Variants in CDYL observed in about 807,000 individuals in gnomAD.
The protein encoded by CDYL is chromodomain Y like.
Under a neutral mutation model 47.3 loss-of-function variants are expected in CDYL, and 8 were observed. That is an observed-to-expected ratio of 0.17 (90% CI 0.10 to 0.31). The LOEUF is 0.31. Among genes scored for constraint, CDYL ranks in the 10% least tolerant of loss-of-function variants. The probability of loss-of-function intolerance (pLI) is 1.00; values close to 1 mark genes in which losing one functional copy is unlikely to be tolerated. For synonymous variants in CDYL, 266 were observed against 265.0 expected (o/e 1.00, Z -0.04); for missense variants, 471 against 701.4 (o/e 0.67, Z 3.71).
At chr6:4,890,193 C>G (rs1375481332) in intron 1 of CDYL, 1 of 973,466 alleles carries the variant, frequency 1.0e-6, no homozygotes, top group Admixed American at 6.2e-5. Flanking sequence ...TCTCATTGCC[C>G]CTTTTCTTTT....
chr6:4,822,916 A>G (rs1178358770), intron 1 of CDYL, among the ~76,000 whole-genome samples: 1 of 152,178 alleles, frequency 6.6e-6, no homozygotes, highest in African/African-American at 2.4e-5. Context: ...TGTAAGGATA[A>G]ATTCAGGTGC....
intron 3 of CDYL, among the ~76,000 whole-genome samples, chr6:4,757,461 TCACAGATCCATATTA>T (rs1209690778): frequency 2.1e-4 from 32 of 152,216 alleles, no homozygotes; most frequent in African/African-American, 7.5e-4. Flanking sequence ...TTTGAAAATG[TCACAGATCCATATTA>T]CCTCAAATGC....
intron 1 of CDYL, among the ~76,000 whole-genome samples, chr6:4,819,335 CGT>C (rs1441806701): frequency 6.6e-6 from 1 of 152,110 alleles, no homozygotes; most frequent in Admixed American, 6.6e-5. Flanking sequence ...TAAAGAATTA[CGT>C]GTGTCAATCA....
At chr6:4,775,086 G>A, upstream of CDYL, among the ~76,000 whole-genome samples, 1 of 152,208 alleles carries the variant, frequency 6.6e-6, no homozygotes. The surrounding 1 kb of genome is among the most constrained non-coding windows in gnomAD (Gnocchi z 7.0). Context: ...GAAGAAAACT[G>A]GTGGGAGGAG....
At chr6:4,914,435 C>T (rs1348903066) in intron 2 of CDYL, among the ~76,000 whole-genome samples, 5 of 152,284 alleles carry the variant, frequency 3.3e-5, no homozygotes, top group East Asian at 1.9e-4. Flanking sequence ...CAGCCTCTTG[C>T]AGGTCTTTAG....
At chr6:4,916,199 G>A (rs1170809848) in intron 2 of CDYL, among the ~76,000 whole-genome samples, 2 of 152,120 alleles carry the variant, frequency 1.3e-5, no homozygotes, top group Admixed American at 6.5e-5. Flanking sequence ...CCTTAACCTC[G>A]GTAAAATACA....
chr6:4,881,311 T>A (rs1018726412), intron 1 of CDYL, among the ~76,000 whole-genome samples: 2 of 152,202 alleles, frequency 1.3e-5, no homozygotes, highest in Non-Finnish European at 1.5e-5. Context: ...CTCTAATGGC[T>A]TTTAGTTATA....
chr6:4,917,114 AAATCG>A (rs1757578905), intron 2 of CDYL, among the ~76,000 whole-genome samples: 1 of 152,214 alleles, frequency 6.6e-6, no homozygotes, highest in Non-Finnish European at 1.5e-5. Context: ...CTGTCTTATC[AAATCG>A]TTTGCTTTCA....
intron 1 of CDYL, among the ~76,000 whole-genome samples, chr6:4,787,875 A>G (rs1414766180): frequency 7.0e-6 from 1 of 142,650 alleles, no homozygotes; most frequent in African/African-American, 2.6e-5. Flanking sequence ...CAGTTCAAGT[A>G]ATTCTCCTGC....
chr6:4,938,088 A>G (rs2039904), intron 4 of CDYL, among the ~76,000 whole-genome samples: 93,330 of 152,094 alleles, frequency 0.61, 29,040 homozygotes, highest in East Asian at 0.76. Context: ...TGCCGTGAGT[A>G]TGTTCTGTCC....
At chr6:4,789,926 G>A (rs570396471) in intron 1 of CDYL, among the ~76,000 whole-genome samples, 1 of 152,162 alleles carries the variant, frequency 6.6e-6, no homozygotes, top group South Asian at 2.1e-4. Flanking sequence ...CCTTTCAGAC[G>A]ACAGAAAGCT....
At chr6:4,764,002 G>T (rs139614070) in intron 3 of CDYL, among the ~76,000 whole-genome samples, 11 of 152,092 alleles carry the variant, frequency 7.2e-5, no homozygotes, top group African/African-American at 2.4e-4. Context: ...ACAAATCAAT[G>T]AAGGAAAGAA....
At chr6:4,777,819 G>A (rs1035294169) in intron 1 of CDYL, among the ~76,000 whole-genome samples, 8 of 152,150 alleles carry the variant, frequency 5.3e-5, no homozygotes, top group Non-Finnish European at 2.9e-5. Flanking sequence ...ATAGAGCTTT[G>A]TTGTCTGCGA....
chr6:4,897,599 C>T (rs1169930415), intron 2 of CDYL, among the ~76,000 whole-genome samples: 2 of 152,074 alleles, frequency 1.3e-5, no homozygotes, highest in Non-Finnish European at 2.9e-5. Flanking sequence ...GAAATTAGAA[C>T]TTAACCCCAG....
chr6:4,872,775 A>C (rs148252821), intron 1 of CDYL, among the ~76,000 whole-genome samples: 1 of 152,164 alleles, frequency 6.6e-6, no homozygotes, highest in Non-Finnish European at 1.5e-5. Context: ...CTAGATAGAA[A>C]ATTCTTAACC....
chr6:4,912,057 C>T (rs1757429226), intron 2 of CDYL, among the ~76,000 whole-genome samples: 1 of 152,192 alleles, frequency 6.6e-6, no homozygotes, highest in South Asian at 2.1e-4. Context: ...ATATCACTCT[C>T]AGTTTTCTAA....
rs551888863 is a variant in CDYL at position 4,938,313 on chromosome 6, C to T, written c.1121+576C>T. ...TCCTAAGTTCCAACTGGACAGAGAA[C>T]CAGATAGTAGGAAATAAAAAGCAGA... is the stretch of plus-strand genomic sequence containing the variant. On this transcript the variant is annotated intron_variant, in intron 4 of 6. Coordinates refer to ENST00000397588, the MANE Select transcript of CDYL (RefSeq NM_004824.4). Among the ~76,000 whole-genome samples, 20 of 151,384 alleles carry T rather than the reference C, an allele frequency of 1.3e-4. No homozygotes were observed. The South Asian group carries it at 4.2e-3, about 32-fold the overall frequency.
intron 1 of CDYL, among the ~76,000 whole-genome samples, chr6:4,812,606 C>G (rs556016235): frequency 1.8e-4 from 28 of 152,124 alleles, no homozygotes; most frequent in African/African-American, 6.5e-4. Flanking sequence ...AGTTGCCTAT[C>G]CCTCCCCTTT....
intron 1 of CDYL, among the ~76,000 whole-genome samples, chr6:4,847,919 G>A (rs1253060527): frequency 1.3e-5 from 2 of 152,162 alleles, no homozygotes; most frequent in African/African-American, 4.8e-5. Flanking sequence ...TCTGTAGGTT[G>A]GGATTGCCAT....
Sources: gnomAD v4.1 joint callset for allele counts (sites outside exome capture counted in the v4.1 genomes callset) on GRCh38, gnomAD v4.1.1 for gene constraint, Gnocchi (gnomAD v3.1) non-coding constraint, MANE v1.5 for transcripts, NCBI Gene and HGNC (gene_info 2026-07-23, HGNC 2026-07-21) for gene names.